ACTL8: variants seen among roughly 807,000 people sequenced by gnomAD.
ACTL8 encodes actin like 8, also known as actin-like protein 8.
Under a neutral mutation model 9.3 loss-of-function variants are expected in ACTL8, and 3 were observed. That is an observed-to-expected ratio of 0.32 (90% confidence interval 0.15 to 0.83). The LOEUF (loss-of-function observed/expected upper bound fraction) is 0.83, where lower values mean the gene tolerates loss of function less well. Among genes scored for constraint, ACTL8 ranks in the 40% least tolerant of loss-of-function variants. The pLI is 0.57. For missense variants in ACTL8, 381 were observed against 492.2 expected (o/e 0.77, Z 2.14); for synonymous variants, 224 against 205.9 (o/e 1.09, Z -0.75).
chr1:17,809,552 C>G (rs1376093584), intron 1 of ACTL8, among the ~76,000 whole-genome samples: 1 of 152,138 alleles, frequency 6.6e-6, no homozygotes, highest in Admixed American at 6.5e-5. Flanking sequence ...GTATTTACAG[C>G]CACTCCCCAT....
intron 1 of ACTL8, among the ~76,000 whole-genome samples, chr1:17,806,681 T>G (rs1384755221): frequency 5.9e-5 from 9 of 152,192 alleles, no homozygotes; most frequent in African/African-American, 2.2e-4. Flanking sequence ...CAGGTGGGCC[T>G]CAGGAGGACA....
At chr1:17,811,053 A>C (rs976290543) in intron 1 of ACTL8, among the ~76,000 whole-genome samples, 5 of 152,240 alleles carry the variant, frequency 3.3e-5, no homozygotes, top group African/African-American at 1.2e-4. Context: ...CTTTAAAAGA[A>C]ACTCCTAAAC....
chr1:17,813,805 C>T (rs2066408215), intron 1 of ACTL8, among the ~76,000 whole-genome samples: 1 of 152,140 alleles, frequency 6.6e-6, no homozygotes, highest in Admixed American at 6.5e-5. Flanking sequence ...AGTTATATGG[C>T]TATTTAAATA....
chr1:17,823,356 G>A lies in ACTL8; in HGVS notation c.348G>A (p.Glu116=). 1.9e-6 allele frequency: 3 copies of A among 1,610,872 alleles called. No individual in the cohort carries two copies. The highest frequency in any genetic ancestry group is 2.5e-6 in the Non-Finnish European group (3 of 1,178,578). ...CTGCGGACCGAAAGAAGATGCTGGA[G>A]GTGAGGCCTGCCGGGGCCTGCTCCC... ...REPADRKKML[E]ILFELLHVPS... is the part of the protein sequence containing the mutation. The change falls in exon 2 of 3, where the codon GAG becomes GAA. Residue 116 remains glutamate (E), a splice_region_variant and synonymous_variant. Coordinates refer to ENST00000375406, the MANE Select transcript of ACTL8 (RefSeq NM_030812.3). The surrounding 1 kb of genome is among the most constrained non-coding windows in gnomAD (Gnocchi z 5.3).
In ACTL8 at chr1:17,780,164, C is replaced by T. The variant is rs559510191; in HGVS notation, c.-25+24660C>T. On this transcript the variant is annotated intron_variant, in intron 1 of 2. Transcript: ENST00000375406. ...TCGAAGCTGCAGTGAGCTGTGATTG[C>T]GCCACTGCACTCCAGCCTGGGCGAC... 6.6e-5 allele frequency among the ~76,000 whole-genome samples: 10 copies of T among 152,168 alleles called. No homozygotes were observed. The East Asian group carries it at 7.7e-4, about 12-fold the overall frequency.
At position 17,826,535 on chromosome 1, in the gene ACTL8, C is replaced by T. The variant is rs2053724688; in HGVS notation, c.*16C>T. 6.6e-7 allele frequency: 1 copy of T among 1,526,030 alleles called. No individual in the cohort carries two copies. The highest frequency in any genetic ancestry group is 2.0e-5 in the Admixed American group (1 of 49,562). 94.5% of individuals were successfully genotyped at this position (1,526,030 alleles called of 1,614,324 possible). On this transcript the variant is annotated 3_prime_UTR_variant, in exon 3 of 3. Transcript: ENST00000375406. This position sits in a 1 kb window ranked among gnomAD's most constrained non-coding sequence, Gnocchi z 4.5. ...GAGGATGTGACCCTACTGGCTCACT[C>T]CTGAGAATGGGCTCCTGTTAGATGG... is the stretch of plus-strand genomic sequence containing the variant.
At chr1:17,777,894 C>G (rs1223743988) in intron 1 of ACTL8, among the ~76,000 whole-genome samples, 1 of 152,188 alleles carries the variant, frequency 6.6e-6, no homozygotes, top group Non-Finnish European at 1.5e-5. Context: ...AATGAGGTTT[C>G]ACCGTGGTGG....
At chr1:17,760,818 G>A (rs780517395) in intron 1 of ACTL8, among the ~76,000 whole-genome samples, 2 of 152,218 alleles carry the variant, frequency 1.3e-5, no homozygotes, top group East Asian at 3.9e-4. Flanking sequence ...CAAGCCCCGA[G>A]CTGCTGTGCC....
intron 1 of ACTL8, among the ~76,000 whole-genome samples, chr1:17,819,310 C>T (rs923253022): frequency 1.3e-5 from 2 of 152,362 alleles, no homozygotes; most frequent in East Asian, 3.9e-4. Context: ...AGGAATCTAT[C>T]ACTCAGCCTG....
At chr1:17,786,894 A>C (rs187469403) in intron 1 of ACTL8, among the ~76,000 whole-genome samples, 156 of 151,826 alleles carry the variant, frequency 1.0e-3, no homozygotes, top group Non-Finnish European at 1.9e-3. Flanking sequence ...TAGAGACAGG[A>C]TCGTGCTTTC....
chr1:17,792,068 C>T (rs28678081), intron 1 of ACTL8, among the ~76,000 whole-genome samples: 347 of 152,282 alleles, frequency 2.3e-3, no homozygotes, highest in African/African-American at 7.9e-3. Context: ...CCCAATGGGC[C>T]CCTCTCAGTT....
intron 1 of ACTL8, among the ~76,000 whole-genome samples, chr1:17,756,883 G>C (rs1457128109): frequency 6.6e-6 from 1 of 152,190 alleles, no homozygotes; most frequent in East Asian, 1.9e-4. Context: ...GCCATAATGA[G>C]GACTGTGAGA....
At chr1:17,757,360 C>T (rs564393271) in intron 1 of ACTL8, among the ~76,000 whole-genome samples, 1 of 152,228 alleles carries the variant, frequency 6.6e-6, no homozygotes, top group African/African-American at 2.4e-5. Flanking sequence ...GTTGGAATCA[C>T]ATCTGGACAA....
At chr1:17,789,372 G>A (rs2066221221) in intron 1 of ACTL8, among the ~76,000 whole-genome samples, 1 of 152,158 alleles carries the variant, frequency 6.6e-6, no homozygotes, top group Admixed American at 6.5e-5. Context: ...ACCCCTTAGA[G>A]CAGTCCCTCT....
intron 1 of ACTL8, among the ~76,000 whole-genome samples, chr1:17,769,068 A>G (rs2066065403): frequency 1.3e-5 from 2 of 152,190 alleles, no homozygotes; most frequent in African/African-American, 4.8e-5. Context: ...AAAGTCACAT[A>G]GTGAGTCAGT....
chr1:17,771,242 C>T (rs919200015), intron 1 of ACTL8, among the ~76,000 whole-genome samples: 1 of 152,032 alleles, frequency 6.6e-6, no homozygotes. Flanking sequence ...TATTTATAGA[C>T]ACTGAAATTT....
chr1:17,763,886 C>T (rs571144174), intron 1 of ACTL8, among the ~76,000 whole-genome samples: 1 of 152,304 alleles, frequency 6.6e-6, no homozygotes, highest in East Asian at 1.9e-4. Context: ...TGCGATGGAG[C>T]TCCATGCTTT....
At chr1:17,816,558 T>A (rs1384560336) in intron 1 of ACTL8, among the ~76,000 whole-genome samples, 2 of 152,238 alleles carry the variant, frequency 1.3e-5, no homozygotes, top group Non-Finnish European at 1.5e-5. Context: ...GCTGTGAGAC[T>A]CTGTGTTCTT....
chr1:17,784,177 G>A (rs1171302460), intron 1 of ACTL8, among the ~76,000 whole-genome samples: 2 of 152,212 alleles, frequency 1.3e-5, no homozygotes, highest in Non-Finnish European at 2.9e-5. Context: ...CATGGCCGAA[G>A]GTGAAGGGGA....
Sources: allele counts gnomAD v4.1 joint callset (sites outside exome capture counted in the v4.1 genomes callset), GRCh38; gene constraint gnomAD v4.1.1; non-coding constraint Gnocchi (gnomAD v3.1); transcripts MANE v1.5; gene names NCBI Gene and HGNC (gene_info 2026-07-23, HGNC 2026-07-21).